Variants in SYTL2 observed in about 807,000 individuals in gnomAD.
The protein encoded by SYTL2 is synaptotagmin-like protein 2.
A neutral mutation model predicts 198.7 loss-of-function variants in SYTL2; 165 were observed. The observed-to-expected ratio is 0.83, with a 90% CI of 0.73 to 0.94. The LOEUF (loss-of-function observed/expected upper bound fraction) is 0.94. SYTL2 is among the 40% of genes least tolerant of loss of function. The pLI, the probability that SYTL2 is intolerant of heterozygous loss-of-function variation, is 0.00. For synonymous variants in SYTL2, 966 were observed against 917.7 expected, an observed-to-expected ratio of 1.05 and a Z score of -0.95; for missense variants, 2,835 against 2,582.8, an observed-to-expected ratio of 1.10 and a Z score of -2.12.
At position 85,737,686 on chromosome 11, in the gene SYTL2, A is replaced by C. The variant is rs752180397; in HGVS notation, c.390-30T>G. On this transcript the variant is annotated intron_variant, in intron 4 of 19. Transcript: ENST00000359152. ...AAAAGAAACAATAATTCAGAGAATA[A>C]AACCTCACCTTTTGAGGAATCATAA... 6.3e-6 allele frequency: 10 copies of C among 1,577,108 alleles called. No individual in the cohort carries two copies. The East Asian group carries it at 2.2e-4, about 35-fold the overall frequency.
At chr11:85,803,523 T>C (rs1349035957) in intron 1 of SYTL2, among the ~76,000 whole-genome samples, 2 of 152,238 alleles carry the variant, frequency 1.3e-5, no homozygotes, top group African/African-American at 4.8e-5. Context: ...AAGATTATGT[T>C]AAGCCCATCA....
upstream of SYTL2, among the ~76,000 whole-genome samples, chr11:85,812,282 G>T (rs1353011694): frequency 6.6e-6 from 1 of 152,106 alleles, no homozygotes; most frequent in Non-Finnish European, 1.5e-5. Flanking sequence ...TCTGCCTTTG[G>T]TTCTTCCAAA....
the SYTL2 span, among the ~76,000 whole-genome samples, chr11:85,850,863 C>G: frequency 2.7e-5 from 4 of 149,824 alleles, no homozygotes; most frequent in South Asian, 8.5e-4. Context: ...ATGATGAGTT[C>G]ATGTCCTTTG....
chr11:85,740,448 C>T (rs1448032497), intron 4 of SYTL2, among the ~76,000 whole-genome samples: 1 of 152,128 alleles, frequency 6.6e-6, no homozygotes, highest in Admixed American at 6.5e-5. Flanking sequence ...TTTATTGGTA[C>T]TTTGGATTAG....
At chr11:85,700,381 T>A (rs950979772) in intron 17 of SYTL2, 134 bp downstream of exon 17, 4 of 597,346 alleles carry the variant, frequency 6.7e-6, no homozygotes, top group Non-Finnish European at 1.2e-5. Context: ...CAACTGTGAA[T>A]AGACTCATTT....
chr11:85,832,512 AAG>A, the SYTL2 span, among the ~76,000 whole-genome samples: 2 of 152,334 alleles, frequency 1.3e-5, no homozygotes, highest in South Asian at 2.1e-4. Context: ...GCCAGTGATG[AAG>A]AGAGTCACTG....
At chr11:85,801,199 A>C (rs2092881776) in intron 1 of SYTL2, among the ~76,000 whole-genome samples, 1 of 152,064 alleles carries the variant, frequency 6.6e-6, no homozygotes, top group Admixed American at 6.5e-5. Flanking sequence ...AAATTCTACA[A>C]AGCACTAACC....
chr11:85,793,102 T>C (rs1330195692), intron 1 of SYTL2, among the ~76,000 whole-genome samples: 1 of 151,870 alleles, frequency 6.6e-6, no homozygotes, highest in African/African-American at 2.4e-5. Context: ...TGTGCATGTG[T>C]CTTTATAGCA....
intron 12 of SYTL2, 109 bp from the exon 13 acceptor site, chr11:85,711,341 A>G (rs2086240929): frequency 1.7e-6 from 2 of 1,188,632 alleles, no homozygotes; most frequent in Non-Finnish European, 2.4e-6. Context: ...CATTTACGCA[A>G]GGTCAAAGGA....
At chr11:85,770,547 T>C (rs2092334482) in intron 1 of SYTL2, among the ~76,000 whole-genome samples, 1 of 152,182 alleles carries the variant, frequency 6.6e-6, no homozygotes, top group Non-Finnish European at 1.5e-5. Context: ...CCTTCTCATT[T>C]CATTCCAAGT....
chr11:85,719,732 G>C (rs1364599229), intron 9 of SYTL2, among the ~76,000 whole-genome samples: 1 of 152,162 alleles, frequency 6.6e-6, no homozygotes, highest in Non-Finnish European at 1.5e-5. Context: ...AGATCCTTGG[G>C]ATAGTCAGGA....
chr11:85,853,063 C>T, the SYTL2 span: 5 of 292,406 alleles, frequency 1.7e-5, no homozygotes, highest in Non-Finnish European at 2.7e-5. Context: ...TCCGCCCGGC[C>T]GCCTCCCCGT....
chr11:85,836,308 C>A, the SYTL2 span, among the ~76,000 whole-genome samples: 1 of 151,732 alleles, frequency 6.6e-6, no homozygotes, highest in South Asian at 2.1e-4. Flanking sequence ...CTTTCCAATT[C>A]TCTGTCTTTT....
intron 2 of SYTL2, among the ~76,000 whole-genome samples, chr11:85,750,263 C>T (rs575968725): frequency 1.3e-5 from 2 of 152,268 alleles, no homozygotes; most frequent in South Asian, 4.1e-4. Context: ...ACCTACCCTC[C>T]AGGACTTCTG....
Position 85,718,859 on chromosome 11 carries a change from T to G in SYTL2, c.5429-16A>C. 1.9e-6 allele frequency: 3 copies of G among 1,612,988 alleles called. No homozygotes were observed. The highest frequency in any genetic ancestry group is 2.5e-6 in the Non-Finnish European group (3 of 1,179,396). On this transcript the variant is annotated splice_polypyrimidine_tract_variant and intron_variant, in intron 9 of 19. Transcript: ENST00000359152. ...TTTGCTTGATCTGTTCAGAAGAAAT[T>G]AACAAATGGTTAACATGGCTGACCC... is the stretch of plus-strand genomic sequence containing the variant.
chr11:85,709,427 G>A lies in SYTL2; in HGVS notation c.5819C>T (p.Ala1940Val), dbSNP rs2085854347. The change falls in exon 14 of 20, where the codon GCA becomes GTA. Residue 1940 changes from alanine to valine, a missense_variant. Ala to Val is a moderately conservative substitution (Grantham distance 64). This residue lies in a region of SYTL2 where 2,645 missense variants were observed against 2,381.7 expected (regional missense o/e 1.11). Transcript: ENST00000359152. ...CTTCAGTGACTCCACATATTCAATT[G>A]CAAACTGAATATTTCCTTTAACTTC... ...NLEVKGNIQFAIEYVESLKEL... is the reference protein window; with the variant it reads ...NLEVKGNIQFVIEYVESLKEL... The A allele has an allele frequency of 6.2e-7, 1 of 1,613,460 alleles. No homozygotes were observed. Among genetic ancestry groups the A allele is most frequent in the Admixed American group, 1.7e-5 (1 of 59,994 alleles).
At position 85,725,954 on chromosome 11, in the gene SYTL2, C is replaced by T. The variant is rs1443786442; in HGVS notation, c.3404G>A (p.Ser1135Asn). The change falls in exon 8 of 20, where the codon AGC becomes AAC. Residue 1135 changes from serine (S) to asparagine (N), a missense_variant. Ser to Asn is a conservative substitution (Grantham distance 46). This residue lies in a region of SYTL2 where 2,645 missense variants were observed against 2,381.7 expected (regional missense o/e 1.11). Coordinates refer to ENST00000359152, the MANE Select transcript of SYTL2 (RefSeq NM_206927.4). Reference protein sequence around the residue: ...SKDCKDTFNDSLQKLLSETST... With the variant: ...SKDCKDTFNDNLQKLLSETST... ...GGTTTCTGAAAGCAGTTTCTGCAAG[C>T]TGTCATTAAAAGTGTCTTTGCAGTC... The T allele has an allele frequency of 3.1e-6, 5 of 1,613,996 alleles. No homozygotes were observed. Among genetic ancestry groups the T allele is most frequent in the Non-Finnish European group, 4.2e-6 (5 of 1,180,008 alleles).
chr11:85,761,544 G>A (rs1394916615), intron 1 of SYTL2, among the ~76,000 whole-genome samples: 2 of 152,200 alleles, frequency 1.3e-5, no homozygotes, highest in African/African-American at 4.8e-5. Flanking sequence ...CTTTTACTCT[G>A]AGATGAAGCA....
At chr11:85,798,865 A>T (rs879902447) in intron 1 of SYTL2, among the ~76,000 whole-genome samples, 2 of 152,320 alleles carry the variant, frequency 1.3e-5, no homozygotes, top group Non-Finnish European at 1.5e-5. Flanking sequence ...GAAGAAAAGC[A>T]GGTGCTCGGC....
Sources: allele counts gnomAD v4.1 joint callset (sites outside exome capture counted in the v4.1 genomes callset), GRCh38; gene constraint gnomAD v4.1.1; regional missense constraint gnomAD v4.1.1; transcripts MANE v1.5; gene names NCBI Gene and HGNC (gene_info 2026-07-23, HGNC 2026-07-21).